The following SLC4A7 variants were observed in gnomAD, a reference collection of about 807,000 sequenced individuals.
SLC4A7 encodes solute carrier family 4 member 7, also known as sodium bicarbonate cotransporter 3.
A neutral mutation model predicts 137.6 loss-of-function variants in SLC4A7; 51 were observed. The ratio of observed to expected loss-of-function variants is 0.37; its 90% confidence interval spans 0.30 to 0.47. The LOEUF is 0.47. SLC4A7 is among the 20% of genes least tolerant of loss of function. SLC4A7 has a pLI of 1.00. For missense variants in SLC4A7, 1,247 were observed against 1,525.4 expected (o/e 0.82, Z 3.04); for synonymous variants, 542 against 518.6 (o/e 1.05, Z -0.61).
At chr3:27,481,223 C>G (rs2059692687) in intron 1 of SLC4A7, among the ~76,000 whole-genome samples, 1 of 151,448 alleles carries the variant, frequency 6.6e-6, no homozygotes. Context: ...AATTATGAGG[C>G]TTTATAGCAA....
chr3:27,395,352 C>T (rs546651898), intron 18 of SLC4A7, among the ~76,000 whole-genome samples: 2 of 152,296 alleles, frequency 1.3e-5, no homozygotes, highest in South Asian at 2.1e-4. Flanking sequence ...AGTCTGCCTC[C>T]TTCCCCCCTG....
chr3:27,380,861 C>A (rs576930453), intron 24 of SLC4A7, among the ~76,000 whole-genome samples: 148 of 152,296 alleles, frequency 9.7e-4, no homozygotes, highest in African/African-American at 3.3e-3. Context: ...TGGTTGCCAA[C>A]TTCAAATAAG....
chr3:27,387,193 A>G (rs1008803509), intron 22 of SLC4A7, among the ~76,000 whole-genome samples: 2 of 152,230 alleles, frequency 1.3e-5, no homozygotes, highest in African/African-American at 4.8e-5. Flanking sequence ...AAAGCCCTCT[A>G]TGCTCAATCC....
intron 22 of SLC4A7, among the ~76,000 whole-genome samples, chr3:27,388,920 A>C (rs1262232229): frequency 6.6e-6 from 1 of 151,000 alleles, no homozygotes; most frequent in Non-Finnish European, 1.5e-5. Flanking sequence ...AAGTTTATTG[A>C]CCTCTGCTCT....
intron 1 of SLC4A7, among the ~76,000 whole-genome samples, chr3:27,455,253 A>G (rs915639952): frequency 2.6e-5 from 4 of 152,254 alleles, no homozygotes; most frequent in African/African-American, 9.6e-5. Context: ...AAGTAGATCT[A>G]TGTGTCCTGG....
chr3:27,452,482 G>A lies in SLC4A7; in HGVS notation c.77C>T (p.Ala26Val), dbSNP rs778812311. The stretch of plus-strand genomic sequence containing the variant: ...GCTAGTTTTGCCAAGATCCACAACA[G>A]CTTCTTCATCAGGACCCTAAAAACA... ...RVTSRGPDEEAVVDLGKTSST... is the reference protein window; with the variant it reads ...RVTSRGPDEEVVVDLGKTSST... Residue 26 changes from alanine to valine, a missense_variant, in exon 2 of 26, where the codon GCT becomes GTT. Transcript: ENST00000454389. 5.0e-6 allele frequency: 8 copies of A among 1,605,074 alleles called. No homozygotes were observed. Among genetic ancestry groups the A allele is most frequent in the Non-Finnish European group, 5.1e-6 (6 of 1,177,782 alleles).
intron 2 of SLC4A7, among the ~76,000 whole-genome samples, chr3:27,451,792 G>A (rs577841495): frequency 2.6e-5 from 4 of 152,124 alleles, no homozygotes; most frequent in Non-Finnish European, 5.9e-5. Flanking sequence ...ATTAACCAAT[G>A]TTAATTTCTT....
intron 6 of SLC4A7, among the ~76,000 whole-genome samples, chr3:27,432,639 A>G (rs1486939081): frequency 1.3e-5 from 2 of 152,220 alleles, no homozygotes; most frequent in African/African-American, 4.8e-5. Context: ...ATAATCCATT[A>G]GGAAACACCA....
At chr3:27,441,338 T>C (rs572313016) in intron 3 of SLC4A7, among the ~76,000 whole-genome samples, 51 of 152,342 alleles carry the variant, frequency 3.3e-4, no homozygotes, top group African/African-American at 1.2e-3. Flanking sequence ...ATTAACAAAA[T>C]TGAGAAGTGT....
At chr3:27,392,532 G>A (rs796879296) in intron 20 of SLC4A7, among the ~76,000 whole-genome samples, 25 of 152,246 alleles carry the variant, frequency 1.6e-4, no homozygotes, top group African/African-American at 5.5e-4. Context: ...AACAGTTTAC[G>A]AAGCAGACGT....
At chr3:27,437,841 T>C (rs2056859475) in intron 3 of SLC4A7, among the ~76,000 whole-genome samples, 1 of 152,160 alleles carries the variant, frequency 6.6e-6, no homozygotes, top group South Asian at 2.1e-4. Flanking sequence ...ATGAACATAA[T>C]GCTCAAAGGC....
At chr3:27,470,791 A>T (rs2059210890) in intron 1 of SLC4A7, among the ~76,000 whole-genome samples, 1 of 151,992 alleles carries the variant, frequency 6.6e-6, no homozygotes, top group African/African-American at 2.4e-5. Flanking sequence ...AAATACAAAA[A>T]ATTAGCTGGG....
chr3:27,416,833 A>C (rs2054434258), intron 11 of SLC4A7, among the ~76,000 whole-genome samples: 1 of 152,230 alleles, frequency 6.6e-6, no homozygotes, highest in South Asian at 2.1e-4. Flanking sequence ...TGCTTGAAAT[A>C]GAAAATCAAC....
intron 16 of SLC4A7, among the ~76,000 whole-genome samples, chr3:27,399,702 G>A (rs1191705140): frequency 6.6e-6 from 1 of 152,110 alleles, no homozygotes; most frequent in Non-Finnish European, 1.5e-5. Context: ...AGAGTGCTAT[G>A]GTGTGAACCA....
chr3:27,395,978 G>A (rs1223723177), intron 18 of SLC4A7, among the ~76,000 whole-genome samples: 1 of 152,074 alleles, frequency 6.6e-6, no homozygotes, highest in Non-Finnish European at 1.5e-5. Context: ...CACTTTATGA[G>A]ATACTAATAC....
chr3:27,441,571 C>A (rs1197458575), intron 3 of SLC4A7, among the ~76,000 whole-genome samples: 1 of 152,036 alleles, frequency 6.6e-6, no homozygotes, highest in Non-Finnish European at 1.5e-5. Context: ...TGGCTCACTG[C>A]GGCCTCAAAC....
At chr3:27,438,316 C>T (rs2056906097) in intron 3 of SLC4A7, among the ~76,000 whole-genome samples, 2 of 151,014 alleles carry the variant, frequency 1.3e-5, no homozygotes, top group Admixed American at 6.6e-5. Flanking sequence ...ACCAACCTGG[C>T]CAACATGGTG....
intron 15 of SLC4A7, chr3:27,401,110 G>T: frequency 3.2e-6 from 1 of 313,396 alleles, no homozygotes; most frequent in South Asian, 5.6e-5. Context: ...TTATGTCCTT[G>T]GTGAGGGCAC....
chr3:27,385,592 A>G (rs1472255), intron 23 of SLC4A7, among the ~76,000 whole-genome samples: 142,040 of 152,120 alleles, frequency 0.93, 66,388 homozygotes, highest in East Asian at 1. Context: ...TAATTCTTCT[A>G]ATTGCTGATT....
Sources: allele counts gnomAD v4.1 joint callset (sites outside exome capture counted in the v4.1 genomes callset), GRCh38; gene constraint gnomAD v4.1.1; transcripts MANE v1.5; gene names NCBI Gene and HGNC (gene_info 2026-07-23, HGNC 2026-07-21).